MAPK4: variants seen among roughly 807,000 people sequenced by gnomAD.
The protein encoded by MAPK4 is Erk3-related.
MAPK4 carries 22 observed loss-of-function variants against 47.7 expected under a neutral mutation model. The ratio of observed to expected loss-of-function variants is 0.46; its 90% CI spans 0.33 to 0.66. The LOEUF is 0.66. Among genes scored for constraint, MAPK4 ranks in the 30% least tolerant of loss-of-function variants. The probability of loss-of-function intolerance (pLI) is 0.02; values close to 1 mark genes in which losing one functional copy is unlikely to be tolerated. For missense variants in MAPK4, 736 were observed against 831.7 expected (o/e 0.88, Z 1.42); for synonymous variants, 390 against 365.7 (o/e 1.07, Z -0.76).
intron 3 of MAPK4, among the ~76,000 whole-genome samples, chr18:50,717,042 A>G (rs888945387): frequency 6.6e-6 from 1 of 151,974 alleles, no homozygotes; most frequent in Non-Finnish European, 1.5e-5. Context: ...GTTGGCACCT[A>G]CGTCATGGCC....
chr18:50,641,619 A>G (rs2144182906), intron 1 of MAPK4, among the ~76,000 whole-genome samples: 1 of 152,314 alleles, frequency 6.6e-6, no homozygotes, highest in East Asian at 1.9e-4. Context: ...TTATTCTGCC[A>G]TCTCTTTTTA....
intron 4 of MAPK4, among the ~76,000 whole-genome samples, chr18:50,725,016 C>CA (rs2144485148): frequency 1.3e-5 from 2 of 152,352 alleles, no homozygotes; most frequent in African/African-American, 4.8e-5. Flanking sequence ...CACCCCTGCT[C>CA]AAGGGAAGGG....
chr18:50,590,139 A>G (rs190884869), intron 1 of MAPK4, among the ~76,000 whole-genome samples: 86 of 152,338 alleles, frequency 5.6e-4, no homozygotes, highest in Non-Finnish European at 1.0e-3. Context: ...TCAGCCTATA[A>G]TAGGCCTATC....
chr18:50,629,258 T>C (rs1279776119), intron 1 of MAPK4, among the ~76,000 whole-genome samples: 2 of 152,194 alleles, frequency 1.3e-5, no homozygotes, highest in Admixed American at 6.5e-5. Context: ...TGTTGTTAAT[T>C]CCCCAAGCGG....
At chr18:50,591,265 G>A (rs2149367477) in intron 1 of MAPK4, among the ~76,000 whole-genome samples, 1 of 152,232 alleles carries the variant, frequency 6.6e-6, no homozygotes, top group East Asian at 1.9e-4. Flanking sequence ...TCAGGGACCA[G>A]AGATGTAACA....
chr18:50,570,485 G>A (rs750769614), intron 1 of MAPK4, among the ~76,000 whole-genome samples: 2 of 152,190 alleles, frequency 1.3e-5, no homozygotes, highest in Non-Finnish European at 2.9e-5. Flanking sequence ...CAGCTTTTAA[G>A]AAGTAAAAAC....
chr18:50,712,383 C>T (rs1052748593), intron 2 of MAPK4, among the ~76,000 whole-genome samples: 1 of 152,038 alleles, frequency 6.6e-6, no homozygotes, highest in African/African-American at 2.4e-5. Flanking sequence ...GCCACTGTTG[C>T]GCCACTGCAT....
chr18:50,717,397 T>C (rs1415315043), intron 3 of MAPK4, among the ~76,000 whole-genome samples: 1 of 152,010 alleles, frequency 6.6e-6, no homozygotes, highest in Non-Finnish European at 1.5e-5. Flanking sequence ...CTCTTGGCAA[T>C]CAGCTTACAG....
intron 1 of MAPK4, among the ~76,000 whole-genome samples, chr18:50,564,490 A>T (rs1012494186): frequency 1.3e-5 from 2 of 152,194 alleles, no homozygotes; most frequent in African/African-American, 4.8e-5. Context: ...CTGCTGCTTG[A>T]CAACCACTGT....
intron 1 of MAPK4, among the ~76,000 whole-genome samples, chr18:50,639,197 A>G (rs1168442184): frequency 1.3e-5 from 2 of 152,242 alleles, no homozygotes; most frequent in Non-Finnish European, 2.9e-5. Flanking sequence ...CCTTGAAGAC[A>G]TAAAGTAATT....
chr18:50,637,805 G>A (rs1390885977), intron 1 of MAPK4, among the ~76,000 whole-genome samples: 1 of 152,174 alleles, frequency 6.6e-6, no homozygotes, highest in Non-Finnish European at 1.5e-5. Context: ...GCGTCCTCAC[G>A]TGATTGCCCC....
intron 2 of MAPK4, among the ~76,000 whole-genome samples, chr18:50,680,844 T>C (rs1427905862): frequency 6.6e-6 from 1 of 152,248 alleles, no homozygotes; most frequent in Admixed American, 6.5e-5. Context: ...GATGGACATT[T>C]GGGTTGTTGC....
At chr18:50,694,720 G>T (rs1023883490) in intron 2 of MAPK4, among the ~76,000 whole-genome samples, 1 of 152,180 alleles carries the variant, frequency 6.6e-6, no homozygotes, top group Non-Finnish European at 1.5e-5. Flanking sequence ...CATCCAGGAA[G>T]ATTGGGACCT....
intron 1 of MAPK4, among the ~76,000 whole-genome samples, chr18:50,582,212 T>C (rs2042351602): frequency 6.6e-6 from 1 of 152,164 alleles, no homozygotes. Context: ...GCTGGCTGAT[T>C]ATGAAGATCT....
chr18:50,729,663 C>G lies in MAPK4; in HGVS notation c.1573C>G (p.Arg525Gly), dbSNP rs1223625736. Residue 525 changes from arginine (R) to glycine (G), a missense_variant, in exon 6 of 6, where the codon CGC becomes GGC. Physicochemically the swap from Arg to Gly is moderately radical, Grantham distance 125 (BLOSUM62 -2). Around this residue, in one of 3 missense-constraint regions of MAPK4, gnomAD observed 377 missense variants for 378.6 expected, o/e 1.00. Coordinates refer to ENST00000400384, the MANE Select transcript of MAPK4 (RefSeq NM_002747.4). ...CCGCTTGTCTGCCTCGCCCCCCGGC[C>G]GCCCGGCCCCGGTGGACGGCGGCGC... The part of the protein sequence containing the change: ...ERRLSASPPG[R>G]PAPVDGGASP... The G allele has an allele frequency of 2.0e-6, 3 of 1,524,016 alleles. No individual in the cohort carries two copies. The highest frequency in any genetic ancestry group is 2.6e-6 in the Non-Finnish European group (3 of 1,133,666). 94.4% of individuals were successfully genotyped at this position (1,524,016 alleles called of 1,614,324 possible).
chr18:50,584,807 T>C (rs1031618878), intron 1 of MAPK4, among the ~76,000 whole-genome samples: 4 of 152,244 alleles, frequency 2.6e-5, no homozygotes, highest in Non-Finnish European at 4.4e-5. Flanking sequence ...TGGATGACAA[T>C]GACTAGCATG....
rs779932313 is a variant in MAPK4, at chr18:50,580,679, G to A, written c.-871+20436G>A. The stretch of plus-strand genomic sequence containing the variant: ...ACGTCTGTTCCTTGAGTCACTTAAG[G>A]GTGTTCTGCCTTCTCTCTTTCATGG... On this transcript the variant is annotated intron_variant, in intron 1 of 5. Coordinates refer to ENST00000400384, the MANE Select transcript of MAPK4 (RefSeq NM_002747.4). Among the ~76,000 whole-genome samples the A allele has an allele frequency of 2.6e-5, 4 of 152,086 alleles. 1 individual carries two copies. The highest frequency in any genetic ancestry group is 1.3e-4 in the Admixed American group (2 of 15,268).
chr18:50,659,577 G>C (rs974647672), intron 1 of MAPK4, among the ~76,000 whole-genome samples: 9 of 151,898 alleles, frequency 5.9e-5, no homozygotes, highest in Admixed American at 3.9e-4. Context: ...ATGTTAAAAG[G>C]CTGGATGAGT....
intron 1 of MAPK4, among the ~76,000 whole-genome samples, chr18:50,582,941 G>T (rs1401174660): frequency 6.6e-6 from 1 of 152,256 alleles, no homozygotes; most frequent in Non-Finnish European, 1.5e-5. Flanking sequence ...TATTCTTGTA[G>T]CTCAGTGAGT....
Sources: gnomAD v4.1 joint callset for allele counts (sites outside exome capture counted in the v4.1 genomes callset) on GRCh38, gnomAD v4.1.1 for gene constraint, gnomAD v4.1.1 regional missense constraint, MANE v1.5 for transcripts, NCBI Gene and HGNC (gene_info 2026-07-23, HGNC 2026-07-21) for gene names.